EFCAB11: variants seen among roughly 807,000 people sequenced by gnomAD.
EFCAB11 encodes the protein EF-hand calcium-binding domain-containing protein 11.
In EFCAB11, 14 loss-of-function variants were observed where a neutral mutation model predicts 23.0. The ratio of observed to expected loss-of-function variants is 0.61; its 90% CI spans 0.40 to 0.95. The LOEUF (loss-of-function observed/expected upper bound fraction) is 0.95, where lower values mean the gene tolerates loss of function less well. Among genes scored for constraint, EFCAB11 ranks in the 40% least tolerant of loss-of-function variants. The pLI, the probability that EFCAB11 is intolerant of heterozygous loss-of-function variation, is 0.00. For missense variants in EFCAB11, 198 were observed against 195.8 expected (o/e 1.01, Z -0.07); for synonymous variants, 65 against 66.6 (o/e 0.98, Z 0.11).
chr14:89,851,074 C>A (rs751002941), intron 5 of EFCAB11, among the ~76,000 whole-genome samples: 2 of 152,160 alleles, frequency 1.3e-5, no homozygotes, highest in African/African-American at 4.8e-5. Context: ...AATTAACTTA[C>A]TAGAGAGCCC....
chr14:89,916,189 A>G, intron 5 of EFCAB11, among the ~76,000 whole-genome samples: 1 of 150,102 alleles, frequency 6.7e-6, no homozygotes, highest in East Asian at 1.9e-4. Context: ...AAAAAACAAC[A>G]AATTTGTGGA....
In EFCAB11 at chr14:89,885,675, G is replaced by GA. The variant is rs563062713; in HGVS notation, c.410+45865dup. 3.2e-3 allele frequency among the ~76,000 whole-genome samples: 414 copies of GA among 127,460 alleles called. 1 individual carries two copies. Among genetic ancestry groups the GA allele is most frequent in the South Asian group, 0.013 (50 of 3,828 alleles). 83.6% of individuals were successfully genotyped at this position (127,460 alleles called of 152,430 possible). A position where few individuals can be genotyped will look rare whatever the true frequency, so the allele number is the denominator to read the frequency against. On this transcript the variant is annotated intron_variant, in intron 5 of 5. Coordinates refer to ENST00000316738, the MANE Select transcript of EFCAB11 (RefSeq NM_145231.4). ...CTGGGTGACAGAGCAAGACTCTGTT[G>GA]AAAAAAAAAAAGAGAGAAAGAGAGA...
chr14:89,797,616 C>T (rs1885618234), intron 5 of EFCAB11, among the ~76,000 whole-genome samples: 1 of 152,108 alleles, frequency 6.6e-6, no homozygotes, highest in Non-Finnish European at 1.5e-5. Context: ...TTATCTTACA[C>T]ATGTCTTTCT....
At chr14:89,881,215 G>T (rs1888585931) in intron 5 of EFCAB11, among the ~76,000 whole-genome samples, 1 of 151,370 alleles carries the variant, frequency 6.6e-6, no homozygotes, top group Non-Finnish European at 1.5e-5. Context: ...GAACAAAATT[G>T]TCTACTTCAC....
rs189447515 is a variant in EFCAB11 at position 89,941,089 on chromosome 14, G to A, written c.218-8462C>T. On this transcript the variant is annotated intron_variant, in intron 3 of 5. Coordinates refer to ENST00000316738, the MANE Select transcript of EFCAB11 (RefSeq NM_145231.4). ...TACTGCATTTATTGAACAGCTCATC[G>A]ACACTGACATCCACTCAGCAGCCTC... 2.3e-3 allele frequency among the ~76,000 whole-genome samples: 356 copies of A among 152,262 alleles called. 5 individuals carry two copies. The highest frequency in any genetic ancestry group is 1.7e-3 in the African/African-American group (70 of 41,544).
intron 3 of EFCAB11, among the ~76,000 whole-genome samples, chr14:89,949,451 A>G (rs1035432270): frequency 1.3e-5 from 2 of 151,900 alleles, no homozygotes; most frequent in African/African-American, 4.8e-5. Flanking sequence ...TGCAATCTCT[A>G]CCTCCTCAGT....
At chr14:89,893,127 T>C (rs186429633) in intron 5 of EFCAB11, among the ~76,000 whole-genome samples, 3 of 152,188 alleles carry the variant, frequency 2.0e-5, no homozygotes, top group Admixed American at 1.3e-4. Flanking sequence ...TTTTCTTGGC[T>C]GTGATGTGCC....
intron 4 of EFCAB11, among the ~76,000 whole-genome samples, chr14:89,931,918 C>T (rs995172501): frequency 6.6e-6 from 1 of 152,334 alleles, no homozygotes; most frequent in African/African-American, 2.4e-5. Flanking sequence ...TAGAGACATG[C>T]ACTCTAACAA....
chr14:89,854,196 CAAA>C (rs11323871), intron 5 of EFCAB11, among the ~76,000 whole-genome samples: 2 of 129,770 alleles, frequency 1.5e-5, no homozygotes, highest in Admixed American at 7.7e-5. Flanking sequence ...GGTTGTCTCT[CAAA>C]AAAAAAAAAA....
intron 5 of EFCAB11, among the ~76,000 whole-genome samples, chr14:89,900,212 T>C (rs1346632211): frequency 1.3e-5 from 2 of 152,054 alleles, no homozygotes; most frequent in Admixed American, 6.6e-5. Flanking sequence ...GAAAAAGCAA[T>C]ATGCATTTAT....
At chr14:89,864,043 A>C (rs1015039290) in intron 5 of EFCAB11, among the ~76,000 whole-genome samples, 3 of 152,216 alleles carry the variant, frequency 2.0e-5, no homozygotes, top group Non-Finnish European at 4.4e-5. Context: ...TAATATAACC[A>C]ATGAGGAACA....
chr14:89,835,403 A>G (rs1170271386), intron 5 of EFCAB11, among the ~76,000 whole-genome samples: 2 of 152,114 alleles, frequency 1.3e-5, no homozygotes, highest in African/African-American at 4.8e-5. Flanking sequence ...CTTTATAAAC[A>G]TATGTATAGC....
intron 5 of EFCAB11, among the ~76,000 whole-genome samples, chr14:89,824,970 T>G (rs1053668888): frequency 5.3e-5 from 8 of 151,774 alleles, no homozygotes; most frequent in African/African-American, 1.7e-4. Context: ...AGGAAATCAG[T>G]AAAAATAATA....
chr14:89,905,929 C>T (rs916606594), intron 5 of EFCAB11, among the ~76,000 whole-genome samples: 8 of 151,988 alleles, frequency 5.3e-5, no homozygotes, highest in African/African-American at 4.8e-5. Flanking sequence ...ATATCACTGA[C>T]GAAACAGAAA....
At chr14:89,815,349 G>A (rs2140095013) in intron 5 of EFCAB11, among the ~76,000 whole-genome samples, 1 of 152,096 alleles carries the variant, frequency 6.6e-6, no homozygotes, top group Non-Finnish European at 1.5e-5. Context: ...GGCTGGGTTG[G>A]GCTTAAGAAA....
intron 5 of EFCAB11, among the ~76,000 whole-genome samples, chr14:89,846,557 C>A (rs1393612013): frequency 6.6e-6 from 1 of 152,144 alleles, no homozygotes; most frequent in Admixed American, 6.5e-5. Context: ...GATGGCAGGG[C>A]CAGGGATATC....
At chr14:89,950,285 T>A in intron 2 of EFCAB11, 143 bp from the exon 3 acceptor site, 1 of 805,276 alleles carries the variant, frequency 1.2e-6, no homozygotes, top group Non-Finnish European at 1.8e-6. Flanking sequence ...TGATACACAA[T>A]AGCTATAATA....
chr14:89,931,476 T>C (rs1356157532), intron 5 of EFCAB11, 65 bp downstream of exon 5: 4 of 1,402,090 alleles, frequency 2.9e-6, no homozygotes, highest in Non-Finnish European at 4.0e-6. Flanking sequence ...TTCCATAAAG[T>C]CAAAAACATG....
intron 5 of EFCAB11, among the ~76,000 whole-genome samples, chr14:89,917,809 G>C (rs1344331200): frequency 6.6e-6 from 1 of 152,216 alleles, no homozygotes; most frequent in Non-Finnish European, 1.5e-5. Context: ...AGCAATAAAG[G>C]ACTCTCAGCT....
Sources: gnomAD v4.1 joint callset for allele counts (sites outside exome capture counted in the v4.1 genomes callset) on GRCh38, gnomAD v4.1.1 for gene constraint, MANE v1.5 for transcripts, NCBI Gene and HGNC (gene_info 2026-07-23, HGNC 2026-07-21) for gene names.